The following PXK variants were observed in gnomAD, a reference collection of about 807,000 sequenced individuals.
PXK encodes the protein PX domain-containing protein kinase-like protein.
PXK carries 35 observed loss-of-function variants against 84.7 expected under a neutral mutation model. The observed-to-expected ratio is 0.41, with a 90% confidence interval of 0.32 to 0.55. PXK has a LOEUF of 0.55. Ranked by LOEUF, PXK falls within the 20% of genes least tolerant of loss-of-function variation. The pLI, the probability that PXK is intolerant of heterozygous loss-of-function variation, is 0.21. For synonymous variants in PXK, 253 were observed against 260.8 expected (o/e 0.97, Z 0.29); for missense variants, 634 against 699.7 (o/e 0.91, Z 1.06).
rs1221424307 is a variant in PXK at position 58,385,849 on chromosome 3, C to T, written c.388+3149C>T. ...TGTCTCCACCTCTTCTCATTTTCCA[C>T]ATGGTCTGCAGTCACCACCCAGCTT... On this transcript the variant is annotated intron_variant, in intron 4 of 17. Coordinates refer to ENST00000356151, the MANE Select transcript of PXK (RefSeq NM_017771.5). This position sits in a 1 kb window ranked among gnomAD's most constrained non-coding sequence, Gnocchi z 5.1. 6.6e-6 allele frequency among the ~76,000 whole-genome samples: 1 copy of T among 152,214 alleles called. No individual in the cohort carries two copies. The highest frequency in any genetic ancestry group is 1.5e-5 in the Non-Finnish European group (1 of 68,022).
At position 58,411,676 on chromosome 3, in the gene PXK, A is replaced by C. The variant is rs569867443; in HGVS notation, c.1466-1225A>C. 1.3e-5 allele frequency among the ~76,000 whole-genome samples: 2 copies of C among 152,256 alleles called. No individual in the cohort carries two copies. Among genetic ancestry groups the C allele is most frequent in the Admixed American group, 1.3e-4 (2 of 15,304 alleles). On this transcript the variant is annotated intron_variant, in intron 16 of 17. Transcript: ENST00000356151. This position sits in a 1 kb window ranked among gnomAD's most constrained non-coding sequence, Gnocchi z 4.2. ...ACATGAAGCCAGGTAGGACTCAAGG[A>C]CTTCAGGATACCCCAGTGCCCTCAG...
At chr3:58,371,443 A>C (rs950846273) in intron 3 of PXK, among the ~76,000 whole-genome samples, 4 of 152,238 alleles carry the variant, frequency 2.6e-5, no homozygotes, top group African/African-American at 9.6e-5. Context: ...GGGAATTAAC[A>C]GTGGGCCTAC....
At chr3:58,406,308 T>G (rs967533988) in intron 13 of PXK, among the ~76,000 whole-genome samples, 7 of 150,150 alleles carry the variant, frequency 4.7e-5, no homozygotes, top group Non-Finnish European at 7.4e-5. Context: ...AGTAGGCGAT[T>G]TTTTGTTGCC....
At chr3:58,360,459 G>A (rs1242669801) in intron 1 of PXK, among the ~76,000 whole-genome samples, 1 of 152,214 alleles carries the variant, frequency 6.6e-6, no homozygotes, top group Non-Finnish European at 1.5e-5. Flanking sequence ...GAAAGGATTT[G>A]TTGAGTAGTG....
At chr3:58,374,371 A>C (rs961497924) in intron 3 of PXK, among the ~76,000 whole-genome samples, 1 of 151,892 alleles carries the variant, frequency 6.6e-6, no homozygotes, top group African/African-American at 2.4e-5. Flanking sequence ...TGGGGGTTTC[A>C]TCATGTTGGC....
At chr3:58,405,823 G>T (rs1205785773) in intron 13 of PXK, among the ~76,000 whole-genome samples, 2 of 151,818 alleles carry the variant, frequency 1.3e-5, no homozygotes, top group Non-Finnish European at 1.5e-5. Flanking sequence ...CTGGGCTGTT[G>T]TTTGGAATGT....
intron 3 of PXK, among the ~76,000 whole-genome samples, chr3:58,377,606 A>T (rs1380435479): frequency 2.4e-5 from 3 of 124,918 alleles, no homozygotes; most frequent in African/African-American, 8.3e-5. Flanking sequence ...ATCTCTTTCT[A>T]AAAAAAAAAA....
chr3:58,420,295 G>A (rs1348399298), intron 17 of PXK, among the ~76,000 whole-genome samples: 1 of 152,204 alleles, frequency 6.6e-6, no homozygotes, highest in Admixed American at 6.5e-5. Context: ...CTCATTAGGT[G>A]GCTCAAAAAG....
chr3:58,387,842 CAT>C (rs1358456430), intron 4 of PXK, among the ~76,000 whole-genome samples: 1 of 151,338 alleles, frequency 6.6e-6, no homozygotes, highest in Non-Finnish European at 1.5e-5. Flanking sequence ...TGGAGCAGAA[CAT>C]CTGGGCTGAG....
chr3:58,368,857 T>C (rs535200913), intron 2 of PXK, among the ~76,000 whole-genome samples: 1 of 152,314 alleles, frequency 6.6e-6, no homozygotes, highest in South Asian at 2.1e-4. Context: ...GCCTAATCAA[T>C]GGCATTAATA....
In PXK at chr3:58,333,448, A is replaced by T; in HGVS notation, c.102+358A>T. On this transcript the variant is annotated intron_variant, in intron 1 of 17. Transcript: ENST00000356151. The surrounding 1 kb of genome is among the most constrained non-coding windows in gnomAD (Gnocchi z 5.4). ...AGCAGGAACGAGACCGCTCAGGACCATCCACTTCTGCCCGCCGCCAGCCTT... is the reference window on the plus strand; with the variant it reads ...AGCAGGAACGAGACCGCTCAGGACCTTCCACTTCTGCCCGCCGCCAGCCTT... 1 of 439,566 alleles carries T rather than the reference A, an allele frequency of 2.3e-6. No homozygotes were observed. The highest frequency in any genetic ancestry group is 2.4e-5 in the Admixed American group (1 of 41,776). The allele number at this position is 439,566 out of a possible 1,614,324, so 27.2% of individuals were successfully genotyped here. A position where few individuals can be genotyped will look rare whatever the true frequency, so the allele number is the denominator to read the frequency against.
At chr3:58,389,949 A>C (rs1248225373) in intron 4 of PXK, among the ~76,000 whole-genome samples, 1 of 139,534 alleles carries the variant, frequency 7.2e-6, no homozygotes, top group Non-Finnish European at 1.5e-5. Context: ...CGGTGAGCCG[A>C]GATCGCACCA....
rs552702169 is a variant in PXK, at chr3:58,384,244, A to G, written c.388+1544A>G. Among the ~76,000 whole-genome samples, 4 of 152,300 alleles carry G rather than the reference A, an allele frequency of 2.6e-5. No homozygotes were observed. The East Asian group carries it at 7.7e-4, about 29-fold the overall frequency. On this transcript the variant is annotated intron_variant, in intron 4 of 17. Coordinates refer to ENST00000356151, the MANE Select transcript of PXK (RefSeq NM_017771.5). ...GTGCAGAATTCAGTCCTCATCCCAGACTTCCTGAATCAGGATCTGATTTTA... is the reference window on the plus strand; with the variant it reads ...GTGCAGAATTCAGTCCTCATCCCAGGCTTCCTGAATCAGGATCTGATTTTA...
At chr3:58,389,744 A>C (rs2098604476) in intron 4 of PXK, among the ~76,000 whole-genome samples, 1 of 151,890 alleles carries the variant, frequency 6.6e-6, no homozygotes, top group African/African-American at 2.4e-5. Context: ...TCATGCCTGT[A>C]GTCTCAGCAC....
chr3:58,355,322 A>G (rs1247234689), intron 1 of PXK, among the ~76,000 whole-genome samples: 1 of 152,110 alleles, frequency 6.6e-6, no homozygotes, highest in Non-Finnish European at 1.5e-5. Context: ...GTTCTGCAAA[A>G]CATCTCTGAA....
At chr3:58,367,465 T>C (rs2098291183) in intron 2 of PXK, among the ~76,000 whole-genome samples, 1 of 152,078 alleles carries the variant, frequency 6.6e-6, no homozygotes, top group African/African-American at 2.4e-5. Flanking sequence ...CAGGATGTTC[T>C]CGATGTCCTG....
At chr3:58,394,706 A>G (rs993900653) in intron 7 of PXK, among the ~76,000 whole-genome samples, 2 of 152,178 alleles carry the variant, frequency 1.3e-5, no homozygotes. Context: ...TGCCTGAGCT[A>G]TGAGAGTGCA....
intron 1 of PXK, among the ~76,000 whole-genome samples, chr3:58,362,703 A>G (rs890414452): frequency 6.6e-6 from 1 of 152,164 alleles, no homozygotes; most frequent in African/African-American, 2.4e-5. Context: ...GACATCAGGT[A>G]GACTGAGTCC....
intron 6 of PXK, 87 bp downstream of exon 6, chr3:58,391,307 C>A: frequency 8.3e-7 from 1 of 1,206,980 alleles, no homozygotes; most frequent in Non-Finnish European, 1.2e-6. Flanking sequence ...CAAAATTGTA[C>A]TGTGCTCTTA....
Sources: allele counts gnomAD v4.1 joint callset (sites outside exome capture counted in the v4.1 genomes callset), GRCh38; gene constraint gnomAD v4.1.1; non-coding constraint Gnocchi (gnomAD v3.1); transcripts MANE v1.5; gene names NCBI Gene and HGNC (gene_info 2026-07-23, HGNC 2026-07-21).